Variants in CTNNA2 observed in about 807,000 individuals in gnomAD.
CTNNA2 encodes catenin alpha 2, also known as catenin alpha-2.
Under a neutral mutation model 101.0 loss-of-function variants are expected in CTNNA2, and 42 were observed. That is an observed-to-expected ratio of 0.42 (90% CI 0.32 to 0.54). CTNNA2 has a LOEUF of 0.54. Ranked by LOEUF, CTNNA2 falls within the 20% of genes least tolerant of loss-of-function variation. The pLI is 0.14. For synonymous variants in CTNNA2, 450 were observed against 456.4 expected (o/e 0.99, Z 0.18); for missense variants, 871 against 1,223.1 (o/e 0.71, Z 4.29).
At chr2:80,497,039 A>G (rs1399229395) in intron 9 of CTNNA2, among the ~76,000 whole-genome samples, 1 of 152,192 alleles carries the variant, frequency 6.6e-6, no homozygotes. Context: ...TGTGTTGAGG[A>G]TGAAGGAGGA....
chr2:80,571,939 T>G (rs2149698087), intron 12 of CTNNA2, among the ~76,000 whole-genome samples: 1 of 152,278 alleles, frequency 6.6e-6, no homozygotes, highest in Non-Finnish European at 1.5e-5. Flanking sequence ...TCTCTATGGT[T>G]ATAGAGACAC....
At chr2:79,400,741 A>G (rs1436434269) in intron 4 of CTNNA2, among the ~76,000 whole-genome samples, 1 of 151,996 alleles carries the variant, frequency 6.6e-6, no homozygotes, top group Non-Finnish European at 1.5e-5. Context: ...ATTTGAGGAC[A>G]TAATGGTCAA....
intron 7 of CTNNA2, among the ~76,000 whole-genome samples, chr2:80,312,670 A>C (rs1382829421): frequency 6.6e-6 from 1 of 152,230 alleles, no homozygotes; most frequent in African/African-American, 2.4e-5. Flanking sequence ...AACAGAACCA[A>C]TTTAATTCTA....
chr2:80,648,638 G>A lies in CTNNA2; in HGVS notation c.*766G>A, dbSNP rs2149876242. The A allele has an allele frequency of 6.6e-6, 1 of 151,958 alleles. No homozygotes were observed. The highest frequency in any genetic ancestry group is 1.9e-4 in the East Asian group (1 of 5,156). The allele number at this position is 151,958 out of a possible 1,614,324, so 9.4% of individuals were successfully genotyped here. On this transcript the variant is annotated 3_prime_UTR_variant, in exon 19 of 19. Coordinates refer to ENST00000402739, the MANE Select transcript of CTNNA2 (RefSeq NM_001282597.3). ...AACCATGATTTTGCTAGAAATAGAA[G>A]GCCCAGTGGTGGAATATTAGAGGGA...
intron 4 of CTNNA2, among the ~76,000 whole-genome samples, chr2:79,433,624 G>GAAAAAAAAA (rs200656588): frequency 1.0e-5 from 1 of 95,696 alleles, no homozygotes; most frequent in South Asian, 3.8e-4. Flanking sequence ...TGCCTTTGAG[G>GAAAAAAAAA]AAAAAAAAAA....
At chr2:79,758,679 A>T (rs1338359621) in intron 3 of CTNNA2, among the ~76,000 whole-genome samples, 3 of 152,166 alleles carry the variant, frequency 2.0e-5, no homozygotes, top group African/African-American at 7.2e-5. Context: ...TCCCACTTAC[A>T]AGTGAGAACA....
chr2:79,568,342 C>G (rs537348783), intron 1 of CTNNA2, among the ~76,000 whole-genome samples: 13 of 152,286 alleles, frequency 8.5e-5, no homozygotes, highest in African/African-American at 3.1e-4. Context: ...TGGCTCACAC[C>G]TGTAATCCCA....
chr2:79,872,339 A>C (rs1460903973), intron 5 of CTNNA2, among the ~76,000 whole-genome samples: 1 of 152,076 alleles, frequency 6.6e-6, no homozygotes, highest in Admixed American at 6.6e-5. Flanking sequence ...AGATTTTCAC[A>C]ACCCGCATTT....
intron 9 of CTNNA2, among the ~76,000 whole-genome samples, chr2:80,541,353 T>C (rs974849383): frequency 1.3e-5 from 2 of 152,170 alleles, no homozygotes; most frequent in Non-Finnish European, 2.9e-5. Flanking sequence ...TTAGGATTTA[T>C]GGATCAGTAC....
At chr2:80,194,969 A>G (rs1452449174) in intron 7 of CTNNA2, among the ~76,000 whole-genome samples, 2 of 152,112 alleles carry the variant, frequency 1.3e-5, no homozygotes, top group East Asian at 1.9e-4. Context: ...CTTCTGCCTA[A>G]TAATGGCTTT....
At chr2:79,845,456 A>G (rs1019810039) in intron 3 of CTNNA2, among the ~76,000 whole-genome samples, 1 of 152,174 alleles carries the variant, frequency 6.6e-6, no homozygotes, top group African/African-American at 2.4e-5. Flanking sequence ...CATATCATCA[A>G]TGGTGCGCAC....
chr2:80,442,549 C>A (rs1296605251), intron 9 of CTNNA2, among the ~76,000 whole-genome samples: 3 of 152,170 alleles, frequency 2.0e-5, no homozygotes, highest in Non-Finnish European at 4.4e-5. Flanking sequence ...ACTTCTGTTT[C>A]CAAGGAGCTA....
chr2:79,959,037 G>A (rs1157718153), intron 7 of CTNNA2, among the ~76,000 whole-genome samples: 2 of 149,670 alleles, frequency 1.3e-5, no homozygotes, highest in African/African-American at 4.9e-5. Context: ...TATCTTACTC[G>A]ACTGTAGCTC....
intron 3 of CTNNA2, among the ~76,000 whole-genome samples, chr2:79,769,169 T>C (rs1475589609): frequency 6.6e-6 from 1 of 152,208 alleles, no homozygotes; most frequent in East Asian, 1.9e-4. Flanking sequence ...TGACTGTTCT[T>C]AAAGTTTCTT....
intron 2 of CTNNA2, among the ~76,000 whole-genome samples, chr2:79,204,174 G>A (rs950745281): frequency 6.6e-6 from 1 of 152,216 alleles, no homozygotes; most frequent in Non-Finnish European, 1.5e-5. Context: ...AGGACACAGA[G>A]GTCCCAGAGG....
chr2:79,732,758 C>T (rs1045150519), intron 2 of CTNNA2, among the ~76,000 whole-genome samples: 19 of 152,056 alleles, frequency 1.2e-4, no homozygotes, highest in African/African-American at 4.6e-4. Flanking sequence ...CTTCTTACTA[C>T]ATAATATCTA....
At chr2:79,986,352 C>A (rs912765720) in intron 7 of CTNNA2, among the ~76,000 whole-genome samples, 27 of 152,240 alleles carry the variant, frequency 1.8e-4, no homozygotes, top group African/African-American at 6.5e-4. Flanking sequence ...ACTTGCCCAT[C>A]CCTACTGCAA....
chr2:80,098,610 C>G (rs905293603), intron 7 of CTNNA2, among the ~76,000 whole-genome samples: 2 of 152,204 alleles, frequency 1.3e-5, no homozygotes, highest in African/African-American at 4.8e-5. Flanking sequence ...AGAGGTGGAG[C>G]CTACAGAGGC....
At chr2:79,657,177 G>A (rs1681672372) in intron 2 of CTNNA2, among the ~76,000 whole-genome samples, 1 of 151,650 alleles carries the variant, frequency 6.6e-6, no homozygotes, top group Non-Finnish European at 1.5e-5. Flanking sequence ...CTTTGAAATG[G>A]CCAACATAAA....
Sources: gnomAD v4.1 joint callset for allele counts (sites outside exome capture counted in the v4.1 genomes callset) on GRCh38, gnomAD v4.1.1 for gene constraint, MANE v1.5 for transcripts, NCBI Gene and HGNC (gene_info 2026-07-23, HGNC 2026-07-21) for gene names.